The following RRP7A variants were observed in gnomAD, a reference collection of about 807,000 sequenced individuals.
RRP7A encodes ribosomal RNA-processing protein 7 homolog A.
A neutral mutation model predicts 38.4 loss-of-function variants in RRP7A; 27 were observed. That is an observed-to-expected ratio of 0.70 (90% confidence interval 0.52 to 0.97). The LOEUF is 0.97. Ranked by LOEUF, RRP7A falls within the 50% of genes least tolerant of loss-of-function variation. The pLI, the probability that RRP7A is intolerant of heterozygous loss-of-function variation, is 0.00. For synonymous variants in RRP7A, 124 were observed against 150.3 expected, an observed-to-expected ratio of 0.83 and a Z score of 1.28; for missense variants, 327 against 375.4, an observed-to-expected ratio of 0.87 and a Z score of 1.07.
At position 42,514,314 on chromosome 22, in the gene RRP7A, A is replaced by T; in HGVS notation, c.559-10T>A. The T allele has an allele frequency of 6.5e-7, 1 of 1,546,780 alleles. No homozygotes were observed. The highest frequency in any genetic ancestry group is 2.3e-5 in the East Asian group (1 of 44,406). On this transcript the variant is annotated splice_polypyrimidine_tract_variant and intron_variant, in intron 5 of 6. Coordinates refer to ENST00000323013, the MANE Select transcript of RRP7A (RefSeq NM_015703.5). ...TGGCCTTAGCTTCTTCCTGCAAGGA[A>T]GGTGATCCCATCCTCCGGTGGGACC...
chr22:42,519,211 A>G (rs1482827739), intron 1 of RRP7A, among the ~76,000 whole-genome samples: 1 of 150,386 alleles, frequency 6.6e-6, no homozygotes, highest in Non-Finnish European at 1.5e-5. Context: ...GGAATGCAGT[A>G]GGTGTGGCGC....
chr22:42,516,432 C>T (rs1179770002), intron 2 of RRP7A: 5 of 447,848 alleles, frequency 1.1e-5, no homozygotes, highest in South Asian at 8.6e-5. Context: ...GCCTCAGTCT[C>T]CCGAGCAGCT....
At chr22:42,516,656 G>T (rs1472579351) in intron 2 of RRP7A, among the ~76,000 whole-genome samples, 1 of 152,244 alleles carries the variant, frequency 6.6e-6, no homozygotes, top group Non-Finnish European at 1.5e-5. Context: ...CATTCTTGCT[G>T]TTATTCTGAT....
chr22:42,519,549 C>A (rs1453514413), intron 1 of RRP7A, among the ~76,000 whole-genome samples, 165 bp downstream of exon 1: 2 of 152,144 alleles, frequency 1.3e-5, no homozygotes, highest in Non-Finnish European at 2.9e-5. Context: ...CGCCTGGGTC[C>A]TCGGGACCCC....
rs369328983 is a variant in RRP7A, at chr22:42,514,584, T to G, written c.558+98A>C. On this transcript the variant is annotated intron_variant, in intron 5 of 6. Coordinates refer to ENST00000323013, the MANE Select transcript of RRP7A (RefSeq NM_015703.5). ...AACAGGGAGCCTGGCCTCTACAGAGTGGCCAAGGACAGGCCACCACTGCCC... is the reference window on the plus strand; with the variant it reads ...AACAGGGAGCCTGGCCTCTACAGAGGGGCCAAGGACAGGCCACCACTGCCC... 31 of 1,050,222 alleles carry G rather than the reference T, an allele frequency of 3.0e-5. No homozygotes were observed. The South Asian group carries it at 3.9e-4, about 13-fold the overall frequency. 65.1% of individuals were successfully genotyped at this position (1,050,222 alleles called of 1,614,324 possible).
At position 42,510,893 on chromosome 22, in the gene RRP7A, C is replaced by G; in HGVS notation, c.*2017G>C. ...GCTCCAGTGATCAGTCCCTAGAGGCCTGGGGACACATGTAATCAGAATTTA... is the reference window on the plus strand; with the variant it reads ...GCTCCAGTGATCAGTCCCTAGAGGCGTGGGGACACATGTAATCAGAATTTA... On this transcript the variant is annotated 3_prime_UTR_variant, in exon 7 of 7. Transcript: ENST00000323013. The G allele has an allele frequency of 1.4e-6, 1 of 717,878 alleles. No homozygotes were observed. The highest frequency in any genetic ancestry group is 1.8e-6 in the Non-Finnish European group (1 of 549,326). 44.5% of individuals were successfully genotyped at this position (717,878 alleles called of 1,614,324 possible).
Position 42,510,134 on chromosome 22 carries a change from T to G in RRP7A, c.*2776A>C, listed in dbSNP as rs966109078. ...CACCCACCACCAAGCCCGGCTAATTTTTGTATTTTTAGTACAGACAGGGTT... is the reference window on the plus strand; with the variant it reads ...CACCCACCACCAAGCCCGGCTAATTGTTGTATTTTTAGTACAGACAGGGTT... On this transcript the variant is annotated 3_prime_UTR_variant, in exon 7 of 7. Coordinates refer to ENST00000323013, the MANE Select transcript of RRP7A (RefSeq NM_015703.5). 5.9e-5 allele frequency: 9 copies of G among 152,166 alleles called. No homozygotes were observed. Among genetic ancestry groups the G allele is most frequent in the African/African-American group, 1.7e-4 (7 of 41,376 alleles). 9.4% of individuals were successfully genotyped at this position (152,166 alleles called of 1,614,324 possible). A position where few individuals can be genotyped will look rare whatever the true frequency, so the allele number is the denominator to read the frequency against.
chr22:42,515,083 T>C, intron 4 of RRP7A, 68 bp downstream of exon 4: 1 of 660,258 alleles, frequency 1.5e-6, no homozygotes, highest in South Asian at 1.8e-5. Flanking sequence ...TCAGACACTG[T>C]CCCCATAGAG....
chr22:42,517,545 A>T (rs533214260), intron 2 of RRP7A, among the ~76,000 whole-genome samples: 1 of 152,066 alleles, frequency 6.6e-6, no homozygotes, highest in East Asian at 1.9e-4. Context: ...TTTGAGTCAG[A>T]GTCTCACTCT....
intron 1 of RRP7A, 152 bp downstream of exon 1, chr22:42,519,562 A>C: frequency 1.6e-6 from 1 of 614,570 alleles, no homozygotes; most frequent in Non-Finnish European, 2.5e-6. Context: ...GGGACCCCGG[A>C]GCCTCAAGAC....
intron 6 of RRP7A, among the ~76,000 whole-genome samples, chr22:42,513,790 T>C (rs1920923272): frequency 6.6e-6 from 1 of 152,120 alleles, no homozygotes; most frequent in African/African-American, 2.4e-5. Flanking sequence ...CCCTCTGCAC[T>C]TGAACTCCTC....
intron 6 of RRP7A, among the ~76,000 whole-genome samples, chr22:42,513,671 G>A (rs992467578): frequency 8.2e-6 from 1 of 121,396 alleles, no homozygotes; most frequent in African/African-American, 3.5e-5. Context: ...AGGCATGGGA[G>A]GGTCCTGTGC....
chr22:42,519,452 TGA>T (rs1256047953), intron 1 of RRP7A, among the ~76,000 whole-genome samples: 3 of 151,988 alleles, frequency 2.0e-5, no homozygotes, highest in Non-Finnish European at 2.9e-5. Flanking sequence ...TTGTCCTGGG[TGA>T]GAGTGTGGAC....
In RRP7A at chr22:42,512,707, C is replaced by T. The variant is rs555044037; in HGVS notation, c.*203G>A. 2.6e-4 allele frequency: 162 copies of T among 631,684 alleles called. No homozygotes were observed. Among genetic ancestry groups the T allele is most frequent in the African/African-American group, 1.8e-3 (97 of 55,370 alleles). 39.1% of individuals were successfully genotyped at this position (631,684 alleles called of 1,614,324 possible). On this transcript the variant is annotated 3_prime_UTR_variant, in exon 7 of 7. Transcript: ENST00000323013. The stretch of plus-strand genomic sequence containing the variant: ...GTCCTCCTCTCGGCACGCCTGGGTC[C>T]CCAGGACTGCTGAAGCACAAGACCC...
At position 42,519,686 on chromosome 22, in the gene RRP7A, C is replaced by G. The variant is rs536774700; in HGVS notation, c.73+28G>C. The G allele has an allele frequency of 2.8e-6, 4 of 1,439,664 alleles. No individual in the cohort carries two copies. In the East Asian group the frequency reaches 9.1e-5, roughly 33 times the overall value. The allele number at this position is 1,439,664 out of a possible 1,614,324, so 89.2% of individuals were successfully genotyped here. The stretch of plus-strand genomic sequence containing the variant: ...CACCTCCCGGCGATGCCTGACCGCC[C>G]CCGGTCTCGCGTCCCGGAGCCCCTC... On this transcript the variant is annotated intron_variant, in intron 1 of 6. Transcript: ENST00000323013.
At chr22:42,515,566 T>A (rs1183393884) in intron 3 of RRP7A, among the ~76,000 whole-genome samples, 1 of 152,210 alleles carries the variant, frequency 6.6e-6, no homozygotes, top group Non-Finnish European at 1.5e-5. Context: ...GGGGTCGCCC[T>A]GGGCCAGGGC....
In RRP7A at chr22:42,512,271, C is replaced by T; in HGVS notation, c.*639G>A. 1 of 1,587,384 alleles carries T rather than the reference C, an allele frequency of 6.3e-7. No homozygotes were observed. Among genetic ancestry groups the T allele is most frequent in the Non-Finnish European group, 8.6e-7 (1 of 1,157,566 alleles). ...CTGGAACTATGAAGACCTAGTGCTCCCAGACTCAACACTGGGACTCTGAGT... is the reference window on the plus strand; with the variant it reads ...CTGGAACTATGAAGACCTAGTGCTCTCAGACTCAACACTGGGACTCTGAGT... On this transcript the variant is annotated 3_prime_UTR_variant, in exon 7 of 7. Transcript: ENST00000323013.
chr22:42,517,150 C>T (rs533003112), intron 2 of RRP7A, among the ~76,000 whole-genome samples: 20 of 151,924 alleles, frequency 1.3e-4, no homozygotes, highest in East Asian at 5.8e-4. Context: ...TGGTGGTGGG[C>T]GCCTGTAATT....
Position 42,510,586 on chromosome 22 carries a change from G to A in RRP7A, c.*2324C>T, listed in dbSNP as rs1024459968. 8 of 794,272 alleles carry A rather than the reference G, an allele frequency of 1.0e-5. No homozygotes were observed. Among genetic ancestry groups the A allele is most frequent in the South Asian group, 2.2e-5 (1 of 45,740 alleles). 49.2% of individuals were successfully genotyped at this position (794,272 alleles called of 1,614,324 possible). ...CAGGATGGGGGCACCGCTGGGAGGC[G>A]GTTCTAAGATGAACCCCAACAACCC... On this transcript the variant is annotated 3_prime_UTR_variant, in exon 7 of 7. Transcript: ENST00000323013.
Sources: gnomAD v4.1 joint callset for allele counts (sites outside exome capture counted in the v4.1 genomes callset) on GRCh38, gnomAD v4.1.1 for gene constraint, MANE v1.5 for transcripts, NCBI Gene and HGNC (gene_info 2026-07-23, HGNC 2026-07-21) for gene names.